Variants in PCDHGA7 observed in about 807,000 individuals in gnomAD.
The protein encoded by PCDHGA7 is protocadherin gamma subfamily A, 7.
A neutral mutation model predicts 58.3 loss-of-function variants in PCDHGA7; 44 were observed. The observed-to-expected ratio is 0.75, with a 90% confidence interval of 0.59 to 0.97. The LOEUF (loss-of-function observed/expected upper bound fraction) is 0.97, where lower values mean the gene tolerates loss of function less well. Among genes scored for constraint, PCDHGA7 ranks in the 50% least tolerant of loss-of-function variants. The pLI is 0.00. For missense variants in PCDHGA7, 1,266 were observed against 1,188.7 expected (o/e 1.06, Z -0.96); for synonymous variants, 516 against 504.2 (o/e 1.02, Z -0.31).
chr5:141,420,460 A>G lies in PCDHGA7; in HGVS notation c.2424+35137A>G, dbSNP rs946386638. On this transcript the variant is annotated intron_variant, in intron 1 of 3. Coordinates refer to ENST00000518325, the MANE Select transcript of PCDHGA7 (RefSeq NM_018920.4). ...AATGCCTCAGTCTTCCTACTATTCA[A>G]AGACATTTTAAAGCAAACTACATGG... The G allele has an allele frequency of 3.4e-6, 3 of 889,944 alleles. No individual in the cohort carries two copies. The African/African-American group carries it at 5.2e-5, about 16-fold the overall frequency. 55.1% of individuals were successfully genotyped at this position (889,944 alleles called of 1,614,324 possible).
chr5:141,400,245 C>G (rs778709619), intron 1 of PCDHGA7: 32 of 1,613,998 alleles, frequency 2.0e-5, no homozygotes, highest in Non-Finnish European at 2.5e-5. Flanking sequence ...TGATTCTGGC[C>G]GTTGCCTTGC....
chr5:141,398,087 G>T (rs1377881034), intron 1 of PCDHGA7: 1 of 1,599,430 alleles, frequency 6.3e-7, no homozygotes, highest in African/African-American at 1.3e-5. Flanking sequence ...TTGTAACCTG[G>T]CGTCTCCAGG....
Position 141,384,341 on chromosome 5 carries a change from G to A in PCDHGA7, c.1442G>A (p.Ser481Asn), listed in dbSNP as rs373965421. The change falls in exon 1 of 4, where the codon AGT (serine) becomes AAT (asparagine). Residue 481 changes from serine to asparagine, a missense_variant. Transcript: ENST00000518325. The stretch of plus-strand genomic sequence containing the variant: ...TTAGTGACTGCACAGGACCACGACA[G>A]TGAGGATAATGCCCAGATCACTTAT... ...IFLVTAQDHD[S>N]EDNAQITYSL... 3 of 1,613,758 alleles carry A rather than the reference G, an allele frequency of 1.9e-6. No homozygotes were observed. Among genetic ancestry groups the A allele is most frequent in the Admixed American group, 1.7e-5 (1 of 60,006 alleles).
chr5:141,489,594 T>A lies in PCDHGA7; in HGVS notation c.2425-5213T>A. The A allele has an allele frequency of 2.5e-6, 4 of 1,614,076 alleles. No homozygotes were observed. Among genetic ancestry groups the A allele is most frequent in the Non-Finnish European group, 3.4e-6 (4 of 1,179,982 alleles). ...CTGAACACCCCCTGGAGCTAATCCG[T>A]GTAGAGGTAGAGATCCTGGATCTCA... On this transcript the variant is annotated intron_variant, in intron 1 of 3. Coordinates refer to ENST00000518325, the MANE Select transcript of PCDHGA7 (RefSeq NM_018920.4). This position sits in a 1 kb window ranked among gnomAD's most constrained non-coding sequence, Gnocchi z 4.5.
chr5:141,473,665 T>C (rs1054239218), intron 1 of PCDHGA7, among the ~76,000 whole-genome samples: 1 of 152,142 alleles, frequency 6.6e-6, no homozygotes, highest in Non-Finnish European at 1.5e-5. Context: ...GTGAAGGCCC[T>C]GAGACAGGGA....
intron 1 of PCDHGA7, chr5:141,388,664 G>A: frequency 1.2e-6 from 2 of 1,613,908 alleles, no homozygotes; most frequent in South Asian, 2.2e-5. Context: ...CGGGGACCAC[G>A]GTGCTACAGG....
chr5:141,391,198 C>T (rs2092314570), intron 1 of PCDHGA7: 1 of 152,156 alleles, frequency 6.6e-6, no homozygotes, highest in South Asian at 2.1e-4. Context: ...AAAATATATA[C>T]AAAATACCAA....
intron 1 of PCDHGA7, chr5:141,478,171 G>A (rs141465380): frequency 7.3e-5 from 118 of 1,613,942 alleles, no homozygotes; most frequent in African/African-American, 1.5e-4. Flanking sequence ...CCCCCCGGGA[G>A]CAGAAAAAAA....
chr5:141,444,565 C>G (rs2098441175), intron 1 of PCDHGA7, among the ~76,000 whole-genome samples: 1 of 152,124 alleles, frequency 6.6e-6, no homozygotes, highest in Non-Finnish European at 1.5e-5. Flanking sequence ...TTATTTGACA[C>G]TTTTGACTCT....
intron 1 of PCDHGA7, among the ~76,000 whole-genome samples, chr5:141,460,983 GTA>G (rs59296681): frequency 1.2e-4 from 16 of 137,836 alleles, no homozygotes; most frequent in East Asian, 2.1e-4. Context: ...GTGTGTGTGT[GTA>G]TATATATATA....
chr5:141,486,673 A>G lies in PCDHGA7; in HGVS notation c.2425-8134A>G. On this transcript the variant is annotated intron_variant, in intron 1 of 3. Transcript: ENST00000518325. The surrounding 1 kb of genome is among the most constrained non-coding windows in gnomAD (Gnocchi z 5.0). ...ACTCACTCCTGGAGCCCAGGAATCG[A>G]GATGTATCAGCTTCCTCTTTCATCT... The G allele has an allele frequency of 6.2e-7, 1 of 1,614,014 alleles. No homozygotes were observed. The highest frequency in any genetic ancestry group is 2.2e-5 in the East Asian group (1 of 44,866).
intron 1 of PCDHGA7, chr5:141,400,141 A>G (rs763561348): frequency 1.9e-6 from 3 of 1,614,020 alleles, no homozygotes; most frequent in Non-Finnish European, 8.5e-7. Flanking sequence ...GCCGGATATC[A>G]CTGACCGCCC....
At chr5:141,410,595 C>T (rs753833671) in intron 1 of PCDHGA7, 1 of 1,608,802 alleles carries the variant, frequency 6.2e-7, no homozygotes. Flanking sequence ...GAGGATTTGA[C>T]TTCACATCCT....
In PCDHGA7 at chr5:141,383,423, A is replaced by G. The variant is rs373117845; in HGVS notation, c.524A>G (p.Asn175Ser). 86 of 1,613,864 alleles carry G rather than the reference A, an allele frequency of 5.3e-5. No individual in the cohort carries two copies. The highest frequency in any genetic ancestry group is 1.6e-4 in the Middle Eastern group (1 of 6,084). The change falls in exon 1 of 4, where the codon AAT becomes AGT. Residue 175 changes from asparagine to serine, a missense_variant. Asn to Ser is a conservative substitution (Grantham distance 46). Transcript: ENST00000518325. Reference protein sequence around the residue: ...NSLQSYQLSPNRHFSLAVQSG... With the variant: ...NSLQSYQLSPSRHFSLAVQSG... ...CTCCAGAGTTACCAGCTCAGCCCCAATCGCCACTTCTCCCTGGCTGTGCAA... is the reference window on the plus strand; with the variant it reads ...CTCCAGAGTTACCAGCTCAGCCCCAGTCGCCACTTCTCCCTGGCTGTGCAA...
At chr5:141,447,136 TTTTTTG>T (rs1304915683) in intron 1 of PCDHGA7, among the ~76,000 whole-genome samples, 4 of 152,090 alleles carry the variant, frequency 2.6e-5, no homozygotes, top group Admixed American at 6.6e-5. Context: ...TGTTTGTTTG[TTTTTTG>T]TTTTTGTTTT....
At chr5:141,418,072 G>A in intron 1 of PCDHGA7, 1 of 1,614,058 alleles carries the variant, frequency 6.2e-7, no homozygotes, top group Non-Finnish European at 8.5e-7. Context: ...TGAGCGCGGA[G>A]AAGCTGCACT....
chr5:141,404,147 G>A lies in PCDHGA7; in HGVS notation c.2424+18824G>A, dbSNP rs750117507. 2 of 1,612,990 alleles carry A rather than the reference G, an allele frequency of 1.2e-6. No homozygotes were observed. The highest frequency in any genetic ancestry group is 1.7e-6 in the Non-Finnish European group (2 of 1,179,340). ...ATCTTTTACATTAGAAAATTCAGAA[G>A]AAGATTATTACAGATTGTTGACGGC... On this transcript the variant is annotated intron_variant, in intron 1 of 3. Coordinates refer to ENST00000518325, the MANE Select transcript of PCDHGA7 (RefSeq NM_018920.4).
Position 141,491,676 on chromosome 5 carries a change from T to C in PCDHGA7, c.2425-3131T>C. On this transcript the variant is annotated intron_variant, in intron 1 of 3. Coordinates refer to ENST00000518325, the MANE Select transcript of PCDHGA7 (RefSeq NM_018920.4). The surrounding 1 kb of genome is among the most constrained non-coding windows in gnomAD (Gnocchi z 6.9). ...AGCCTGACGCCATCCGGTCCCGCTC[T>C]AATACGCTGCGGGAGCGGAGCCAGG... 3.1e-6 allele frequency: 5 copies of C among 1,613,546 alleles called. No individual in the cohort carries two copies. Among genetic ancestry groups the C allele is most frequent in the Non-Finnish European group, 4.2e-6 (5 of 1,179,848 alleles).
At chr5:141,430,076 T>C (rs2097260023) in intron 1 of PCDHGA7, among the ~76,000 whole-genome samples, 1 of 152,208 alleles carries the variant, frequency 6.6e-6, no homozygotes, top group South Asian at 2.1e-4. Context: ...GTTTCCATAA[T>C]ATCATGAAAA....
Sources: allele counts gnomAD v4.1 joint callset (sites outside exome capture counted in the v4.1 genomes callset), GRCh38; gene constraint gnomAD v4.1.1; non-coding constraint Gnocchi (gnomAD v3.1); transcripts MANE v1.5; gene names NCBI Gene and HGNC (gene_info 2026-07-23, HGNC 2026-07-21).